IPO7: variants seen among roughly 807,000 people sequenced by gnomAD.
IPO7 encodes the protein importin-7.
Under a neutral mutation model 136.4 loss-of-function variants are expected in IPO7, and 13 were observed. The observed-to-expected ratio is 0.10, with a 90% CI of 0.06 to 0.15. The LOEUF (loss-of-function observed/expected upper bound fraction) is 0.15, where lower values mean the gene tolerates loss of function less well. IPO7 is among the 10% of genes least tolerant of loss of function. IPO7 has a pLI of 1.00. For synonymous variants in IPO7, 403 were observed against 404.4 expected, an observed-to-expected ratio of 1.00 and a Z score of 0.04; for missense variants, 857 against 1,240.6, an observed-to-expected ratio of 0.69 and a Z score of 4.65.
Position 9,447,086 on chromosome 11 carries a change from A to G in IPO7, c.*1892A>G, listed in dbSNP as rs1200891311. On this transcript the variant is annotated 3_prime_UTR_variant, in exon 25 of 25. Transcript: ENST00000379719. ...GTACAGAGGGGAAATAATGAATAGT[A>G]TTAAAGAAACATTCTCGTCTTCCTT... The G allele has an allele frequency of 2.0e-5, 3 of 152,242 alleles. No individual in the cohort carries two copies. The highest frequency in any genetic ancestry group is 4.4e-5 in the Non-Finnish European group (3 of 68,044). The allele number at this position is 152,242 out of a possible 1,614,324, so 9.4% of individuals were successfully genotyped here. A position where few individuals can be genotyped will look rare whatever the true frequency, so the allele number is the denominator to read the frequency against.
intron 1 of IPO7, among the ~76,000 whole-genome samples, chr11:9,402,567 T>A (rs968478794): frequency 2.8e-4 from 43 of 151,174 alleles, no homozygotes; most frequent in African/African-American, 1.0e-3. Flanking sequence ...AGTAAAAATA[T>A]AAAAAATTAG....
chr11:9,440,374 A>G (rs1855445348), intron 22 of IPO7, 81 bp from the exon 23 acceptor site: 1 of 1,091,458 alleles, frequency 9.2e-7, no homozygotes, highest in African/African-American at 1.6e-5. Context: ...TAATTTACTG[A>G]CAGTGATTGA....
intron 2 of IPO7, among the ~76,000 whole-genome samples, chr11:9,407,361 C>T (rs908488773): frequency 6.6e-6 from 1 of 152,178 alleles, no homozygotes; most frequent in Non-Finnish European, 1.5e-5. Flanking sequence ...CGACACCATC[C>T]TGGCCAACAT....
At chr11:9,441,006 T>G (rs1345770338) in intron 23 of IPO7, among the ~76,000 whole-genome samples, 1 of 152,234 alleles carries the variant, frequency 6.6e-6, no homozygotes, top group African/African-American at 2.4e-5. Flanking sequence ...ATGTTATTAT[T>G]TGTGTGTATC....
At chr11:9,444,878 A>G (rs1320272574) in intron 24 of IPO7, among the ~76,000 whole-genome samples, 5 of 151,832 alleles carry the variant, frequency 3.3e-5, no homozygotes, top group African/African-American at 1.2e-4. Flanking sequence ...AACAGTGGGA[A>G]GTGAAAATTG....
At chr11:9,444,913 A>G (rs1385984047) in intron 24 of IPO7, among the ~76,000 whole-genome samples, 184 bp from the exon 25 acceptor site, 1 of 152,064 alleles carries the variant, frequency 6.6e-6, no homozygotes, top group Non-Finnish European at 1.5e-5. Context: ...AGCATACAGT[A>G]AAAGAGATTA....
At chr11:9,427,352 C>G (rs2133754313) in intron 12 of IPO7, among the ~76,000 whole-genome samples, 1 of 152,286 alleles carries the variant, frequency 6.6e-6, no homozygotes, top group Non-Finnish European at 1.5e-5. Context: ...CCTCCACCTC[C>G]TGAGTTCAAG....
chr11:9,415,731 A>G (rs1255297556), intron 5 of IPO7, among the ~76,000 whole-genome samples: 1 of 151,480 alleles, frequency 6.6e-6, no homozygotes, highest in Non-Finnish European at 1.5e-5. Context: ...CCCGCTACTC[A>G]GGAGGCTGAG....
rs186212985 is a variant in IPO7 at position 9,442,920 on chromosome 11, G to A, written c.3019+723G>A. ...TGCCTATATTCCCAGCTACTCAGGAGGCTGAGGCAGGAAAATTGCTTGAAC... is the reference window on the plus strand; with the variant it reads ...TGCCTATATTCCCAGCTACTCAGGAAGCTGAGGCAGGAAAATTGCTTGAAC... On this transcript the variant is annotated intron_variant, in intron 24 of 24. Transcript: ENST00000379719. Among the ~76,000 whole-genome samples, 239 of 152,264 alleles carry A rather than the reference G, an allele frequency of 1.6e-3. 1 individual carries two copies. Among genetic ancestry groups the A allele is most frequent in the African/African-American group, 5.5e-3 (227 of 41,572 alleles).
Position 9,430,971 on chromosome 11 carries a change from A to T in IPO7, c.1849A>T (p.Thr617Ser). The T allele has an allele frequency of 1.2e-6, 2 of 1,612,248 alleles. No individual in the cohort carries two copies. The highest frequency in any genetic ancestry group is 1.7e-6 in the Non-Finnish European group (2 of 1,178,360). Reference sequence around the variant, plus strand: ...TATGGGAATTCTGAATACAATTGATACACTTCTTAGTGTAGTTGAAGATCA... The same window carrying T: ...TATGGGAATTCTGAATACAATTGATTCACTTCTTAGTGTAGTTGAAGATCA... Reference protein sequence around the residue: ...TAMGILNTIDTLLSVVEDHKE... With the variant: ...TAMGILNTIDSLLSVVEDHKE... The change falls in exon 16 of 25, where the codon ACA becomes TCA. Residue 617 changes from threonine to serine, a missense_variant. This residue lies in a region of IPO7 where 58 missense variants were observed against 122.1 expected (regional missense o/e 0.47). Coordinates refer to ENST00000379719, the MANE Select transcript of IPO7 (RefSeq NM_006391.3).
In IPO7 at chr11:9,433,551, T is replaced by G. The variant is rs1205100488; in HGVS notation, c.1882-19T>G. ...TTAGTAGGCTGTAACTGCATATGAT[T>G]TTTTTTCTTCTCTTTTAGATAACCC... On this transcript the variant is annotated intron_variant, in intron 16 of 24. Transcript: ENST00000379719. The G allele has an allele frequency of 6.2e-7, 1 of 1,600,142 alleles. No homozygotes were observed. Among genetic ancestry groups the G allele is most frequent in the East Asian group, 2.2e-5 (1 of 44,818 alleles).
chr11:9,401,236 A>G (rs544174127), intron 1 of IPO7, among the ~76,000 whole-genome samples: 2 of 152,138 alleles, frequency 1.3e-5, no homozygotes, highest in African/African-American at 2.4e-5. Context: ...TCATGTGAAC[A>G]TGTGTAGAAA....
intron 1 of IPO7, among the ~76,000 whole-genome samples, chr11:9,387,759 A>G (rs1030698765): frequency 6.6e-6 from 1 of 151,612 alleles, no homozygotes; most frequent in African/African-American, 2.4e-5. Context: ...TGAACCTGGG[A>G]GGCGGAGGTT....
At chr11:9,397,222 T>G (rs530678779) in intron 1 of IPO7, among the ~76,000 whole-genome samples, 32 of 149,758 alleles carry the variant, frequency 2.1e-4, no homozygotes, top group African/African-American at 7.4e-4. Flanking sequence ...AAACGCATGC[T>G]TCCACTTCCA....
At chr11:9,400,948 G>A (rs994834185) in intron 1 of IPO7, among the ~76,000 whole-genome samples, 14 of 151,640 alleles carry the variant, frequency 9.2e-5, no homozygotes, top group Non-Finnish European at 1.3e-4. Context: ...TCAGGAAGCC[G>A]AGGCGGGTGG....
chr11:9,389,775 T>A (rs1590423604), intron 1 of IPO7, among the ~76,000 whole-genome samples: 1 of 152,276 alleles, frequency 6.6e-6, no homozygotes, highest in East Asian at 1.9e-4. Context: ...CTTTTTTTTT[T>A]TTTGAGTGGA....
intron 18 of IPO7, among the ~76,000 whole-genome samples, chr11:9,434,625 TA>T (rs1017209208): frequency 2.0e-5 from 3 of 152,016 alleles, no homozygotes; most frequent in African/African-American, 7.2e-5. Flanking sequence ...ACCCTGTCTC[TA>T]AAAAAAACTT....
Position 9,447,497 on chromosome 11 carries a change from TTAACA to T in IPO7, c.*2305_*2309del, listed in dbSNP as rs1238927350. ...TATAATTTGGTATAGATCAAGAATC[TTAACA>T]TGTATCAGTTTCTAGATGAGGCTGC... On this transcript the variant is annotated 3_prime_UTR_variant, in exon 25 of 25. Transcript: ENST00000379719. 8.5e-5 allele frequency: 13 copies of T among 152,232 alleles called. No homozygotes were observed. The highest frequency in any genetic ancestry group is 2.4e-4 in the African/African-American group (10 of 41,474). 9.4% of individuals were successfully genotyped at this position (152,232 alleles called of 1,614,324 possible).
intron 1 of IPO7, among the ~76,000 whole-genome samples, chr11:9,389,012 A>G (rs572294996): frequency 1.3e-5 from 2 of 152,078 alleles, no homozygotes; most frequent in African/African-American, 4.8e-5. Context: ...AAATAACAGT[A>G]TAGGCTTTAG....
Sources: allele counts gnomAD v4.1 joint callset (sites outside exome capture counted in the v4.1 genomes callset), GRCh38; gene constraint gnomAD v4.1.1; regional missense constraint gnomAD v4.1.1; transcripts MANE v1.5; gene names NCBI Gene and HGNC (gene_info 2026-07-23, HGNC 2026-07-21).